PHEX: variants seen among roughly 807,000 people sequenced by gnomAD.
PHEX encodes the protein phosphate-regulating neutral endopeptidase PHEX.
A neutral mutation model predicts 68.0 loss-of-function variants in PHEX; 16 were observed. The ratio of observed to expected loss-of-function variants is 0.24; its 90% CI spans 0.16 to 0.36. The LOEUF is 0.36. Ranked by LOEUF, PHEX falls within the 10% of genes least tolerant of loss-of-function variation. The pLI is 1.00. For synonymous variants in PHEX, 208 were observed against 205.1 expected (o/e 1.01, Z -0.12); for missense variants, 480 against 575.5 (o/e 0.83, Z 1.70).
chrX:22,067,816 C>G (rs1861777435), intron 3 of PHEX, among the ~76,000 whole-genome samples: 1 of 110,170 alleles, frequency 9.1e-6, no homozygotes, highest in Non-Finnish European at 1.9e-5. Context: ...TGTGTTTTAA[C>G]AAGCTCCCAT....
At chrX:22,146,262 A>G (rs1602336250) in intron 12 of PHEX, among the ~76,000 whole-genome samples, 1 of 112,233 alleles carries the variant, frequency 8.9e-6, no homozygotes, top group South Asian at 3.7e-4. Flanking sequence ...AACTTGAAAT[A>G]CAGCATTTTA....
chrX:22,249,455 A>AAACATAT lies in PHEX; in HGVS notation c.*1503_*1504insACATATA. The AAACATAT allele has an allele frequency of 2.5e-5, 1 of 39,764 alleles. No homozygotes were observed. The highest frequency in any genetic ancestry group is 1.7e-4 in the African/African-American group (1 of 6,007). The allele number at this position is 39,764 out of a possible 1,213,427, so 3.3% of individuals were successfully genotyped here. ...TTGTGATTCTTTTAAAAAAAAAAAA[A>AAACATAT]ATATATATATATATATATATATATA... On this transcript the variant is annotated 3_prime_UTR_variant, in exon 22 of 22. Transcript: ENST00000379374.
chrX:22,108,524 A>G (rs1325519766), intron 9 of PHEX, among the ~76,000 whole-genome samples: 1 of 111,962 alleles, frequency 8.9e-6, no homozygotes, highest in African/African-American at 3.2e-5. Context: ...AAAAAACTTT[A>G]TAAAGAAAAA....
At chrX:22,230,106 C>CTGTT (rs1474222372) in intron 20 of PHEX, among the ~76,000 whole-genome samples, 2 of 110,077 alleles carry the variant, frequency 1.8e-5, no homozygotes, top group Non-Finnish European at 3.8e-5. Context: ...GTCTATATAT[C>CTGTT]TGTTTTGGTA....
chrX:22,108,381 G>A (rs1328982435), intron 9 of PHEX, among the ~76,000 whole-genome samples: 2 of 111,131 alleles, frequency 1.8e-5, no homozygotes, highest in Non-Finnish European at 3.8e-5. Flanking sequence ...AGGGGATGAG[G>A]CATAAAAAAA....
chrX:22,167,659 T>C (rs1238312485), intron 12 of PHEX, among the ~76,000 whole-genome samples: 1 of 108,145 alleles, frequency 9.2e-6, no homozygotes, highest in East Asian at 2.9e-4. Flanking sequence ...GCCCGGCTTT[T>C]TTTAAAATTT....
intron 6 of PHEX, 144 bp from the exon 7 acceptor site, chrX:22,093,839 G>A: frequency 2.1e-6 from 1 of 468,289 alleles, no homozygotes; most frequent in Non-Finnish European, 4.0e-6. Flanking sequence ...GCCTGGTATT[G>A]CATAATGCCT....
chrX:22,159,186 G>A (rs73462666), intron 12 of PHEX, among the ~76,000 whole-genome samples: 14,107 of 113,277 alleles, frequency 0.12, 871 homozygotes, highest in African/African-American at 0.22. Context: ...AGCACTTACT[G>A]TGTACTAGCC....
chrX:22,118,397 A>G (rs938199716), intron 11 of PHEX, among the ~76,000 whole-genome samples: 2 of 104,353 alleles, frequency 1.9e-5, no homozygotes, highest in Non-Finnish European at 3.9e-5. Flanking sequence ...AGGCCAGGCC[A>G]GTTGACATGA....
chrX:22,216,635 T>C (rs1935106635), intron 16 of PHEX, among the ~76,000 whole-genome samples: 1 of 110,136 alleles, frequency 9.1e-6, no homozygotes. Flanking sequence ...TTTTCCTCCC[T>C]CAGTCTCCCA....
At chrX:22,194,542 G>A (rs931032138) in intron 15 of PHEX, among the ~76,000 whole-genome samples, 7 of 112,291 alleles carry the variant, frequency 6.2e-5, no homozygotes, top group African/African-American at 1.9e-4. Context: ...CTGTTTAATT[G>A]GGTTTTACAT....
At chrX:22,041,263 C>CTATA (rs1185718846) in intron 2 of PHEX, among the ~76,000 whole-genome samples, 3 of 65,367 alleles carry the variant, frequency 4.6e-5, no homozygotes, top group African/African-American at 1.4e-4. Context: ...CTCTCTCTCT[C>CTATA]TCTATATATA....
chrX:22,043,625 G>A (rs2301304), intron 2 of PHEX, among the ~76,000 whole-genome samples: 34,629 of 110,103 alleles, frequency 0.31, 4,323 homozygotes, highest in Non-Finnish European at 0.39. Context: ...TGGCAAAAAG[G>A]AAATACTCAA....
At chrX:22,183,044 A>G (rs1933927387) in intron 14 of PHEX, among the ~76,000 whole-genome samples, 1 of 111,645 alleles carries the variant, frequency 9.0e-6, no homozygotes, top group Admixed American at 9.5e-5. Flanking sequence ...TTCTCATGCC[A>G]TTATACCTGC....
At chrX:22,201,551 A>AC (rs34401135) in intron 15 of PHEX, among the ~76,000 whole-genome samples, 1 of 109,816 alleles carries the variant, frequency 9.1e-6, no homozygotes, top group Admixed American at 9.8e-5. Flanking sequence ...CCTGATACAG[A>AC]CCCCCAGTTT....
intron 20 of PHEX, among the ~76,000 whole-genome samples, chrX:22,232,171 C>T (rs922823139): frequency 4.5e-5 from 5 of 111,379 alleles, no homozygotes; most frequent in African/African-American, 6.5e-5. Context: ...TTTGCATTTG[C>T]TGAGAAGTGT....
At position 22,230,229 on chromosome X, in the gene PHEX, C is replaced by CTTTTTTTTT. The variant is rs140475343; in HGVS notation, c.2070+2643_2070+2651dup. ...TAGGATTGTTTTGGCTATATGGGCT[C>CTTTTTTTTT]TTTTTTTTTTTTTTTTTTTTTTTTT... On this transcript the variant is annotated intron_variant, in intron 20 of 21. Coordinates refer to ENST00000379374, the MANE Select transcript of PHEX (RefSeq NM_000444.6). Among the ~76,000 whole-genome samples the CTTTTTTTTT allele has an allele frequency of 6.4e-4, 7 of 10,937 alleles. 1 individual carries two copies. The highest frequency in any genetic ancestry group is 9.0e-4 in the Non-Finnish European group (5 of 5,562). 9.5% of individuals were successfully genotyped at this position (10,937 alleles called of 115,157 possible). A position where few individuals can be genotyped will look rare whatever the true frequency, so the allele number is the denominator to read the frequency against.
chrX:22,147,819 A>G (rs1339009537), intron 12 of PHEX, among the ~76,000 whole-genome samples: 1 of 111,355 alleles, frequency 9.0e-6, no homozygotes, highest in African/African-American at 3.3e-5. Flanking sequence ...AAATGCCATC[A>G]TTTGTGGTGG....
At chrX:22,075,286 T>C (rs1192962187) in intron 3 of PHEX, among the ~76,000 whole-genome samples, 6 of 49,493 alleles carry the variant, frequency 1.2e-4, no homozygotes, top group African/African-American at 1.8e-4. Context: ...TCTGGGTTGC[T>C]TTTTTTTTTT....
Sources: gnomAD v4.1 joint callset for allele counts (sites outside exome capture counted in the v4.1 genomes callset) on GRCh38, gnomAD v4.1.1 for gene constraint, MANE v1.5 for transcripts, NCBI Gene and HGNC (gene_info 2026-07-23, HGNC 2026-07-21) for gene names.